Variants in SLC34A2 observed in about 807,000 individuals in gnomAD.
SLC34A2 encodes the protein sodium-dependent phosphate transport protein 2B.
In SLC34A2, 41 loss-of-function variants were observed where a neutral mutation model predicts 50.8. The observed-to-expected ratio is 0.81, with a 90% CI of 0.63 to 1.05. SLC34A2 has a LOEUF of 1.05. Among genes scored for constraint, SLC34A2 ranks in the 50% least tolerant of loss-of-function variants. SLC34A2 has a pLI of 0.00. For missense variants in SLC34A2, 879 were observed against 876.7 expected (o/e 1.00, Z -0.03); for synonymous variants, 401 against 364.2 (o/e 1.10, Z -1.15).
chr4:25,669,859 A>G lies in SLC34A2; in HGVS notation c.831+17A>G, dbSNP rs1577499068. 1.9e-6 allele frequency: 3 copies of G among 1,604,328 alleles called. No individual in the cohort carries two copies. On this transcript the variant is annotated intron_variant, in intron 7 of 12. Coordinates refer to ENST00000382051, the MANE Select transcript of SLC34A2 (RefSeq NM_006424.3). Reference sequence around the variant, plus strand: ...ATTGTCCAGGTAACTTAGCTCCTTCAGAGAGAGAAGGAGACTAACTTCCTA... The same window carrying G: ...ATTGTCCAGGTAACTTAGCTCCTTCGGAGAGAGAAGGAGACTAACTTCCTA...
rs1577507644 is a variant in SLC34A2 at position 25,677,816 on chromosome 4, C to G, written c.*1067C>G. The G allele has an allele frequency of 3.9e-5, 6 of 152,376 alleles. 1 individual carries two copies. The highest frequency in any genetic ancestry group is 3.9e-4 in the Admixed American group (6 of 15,304). The allele number at this position is 152,376 out of a possible 1,614,324, so 9.4% of individuals were successfully genotyped here. A position where few individuals can be genotyped will look rare whatever the true frequency, so the allele number is the denominator to read the frequency against. On this transcript the variant is annotated 3_prime_UTR_variant, in exon 13 of 13. Coordinates refer to ENST00000382051, the MANE Select transcript of SLC34A2 (RefSeq NM_006424.3). ...GGTTAACTTCCTTCTTTCCATCCAC[C>G]CACCCACTGGAATCTCTTTCCAAAC...
At chr4:25,664,894 G>A (rs1406994257) in intron 4 of SLC34A2, 2 of 232,606 alleles carry the variant, frequency 8.6e-6, no homozygotes, top group Non-Finnish European at 1.7e-5. Flanking sequence ...GCAGCACTCC[G>A]TCTACTGGGT....
At position 25,675,407 on chromosome 4, in the gene SLC34A2, C is replaced by G. The variant is rs55778398; in HGVS notation, c.1459-728C>G. ...GTGATCTAACCTGAGCGTCAATTCCCTCATCTGAAAGATGGAGGACATAAC... is the reference window on the plus strand; with the variant it reads ...GTGATCTAACCTGAGCGTCAATTCCGTCATCTGAAAGATGGAGGACATAAC... On this transcript the variant is annotated intron_variant, in intron 12 of 12. Transcript: ENST00000382051. Among the ~76,000 whole-genome samples, 788 of 152,306 alleles carry G rather than the reference C, an allele frequency of 5.2e-3. 6 individuals carry two copies. Among genetic ancestry groups the G allele is most frequent in the African/African-American group, 0.018 (749 of 41,568 alleles).
chr4:25,661,741 T>TGGA (rs551892425), intron 1 of SLC34A2, among the ~76,000 whole-genome samples: 244 of 152,290 alleles, frequency 1.6e-3, no homozygotes, highest in African/African-American at 5.6e-3. Context: ...TAAATTCCAC[T>TGGA]GGATAAGGTT....
Position 25,662,562 on chromosome 4 carries a change from C to A in SLC34A2, c.62C>A (p.Ala21Asp), listed in dbSNP as rs747909819. Reference sequence around the variant, plus strand: ...AACCCCGATAAGTACCTCGAAGGGGCCGCAGGTCAGCAGCCCACTGCCCCT... The same window carrying A: ...AACCCCGATAAGTACCTCGAAGGGGACGCAGGTCAGCAGCCCACTGCCCCT... ...QPNPDKYLEGAAGQQPTAPDK... is the reference protein window; with the variant it reads ...QPNPDKYLEGDAGQQPTAPDK... The change falls in exon 2 of 13, where the codon GCC becomes GAC. Residue 21 changes from alanine (A) to aspartate (D), a missense_variant. Physicochemically the swap from Ala to Asp is moderately radical, Grantham distance 126. Transcript: ENST00000382051. The A allele has an allele frequency of 6.2e-7, 1 of 1,614,134 alleles. No homozygotes were observed. The highest frequency in any genetic ancestry group is 1.7e-5 in the Admixed American group (1 of 60,008).
rs1715181530 is a variant in SLC34A2 at position 25,677,095 on chromosome 4, A to G, written c.*346A>G. ...AGACTCAAAAACCATCTTCAGAAAGAAAAGGCCCAGGGAAGGAATGTATGA... is the reference window on the plus strand; with the variant it reads ...AGACTCAAAAACCATCTTCAGAAAGGAAAGGCCCAGGGAAGGAATGTATGA... On this transcript the variant is annotated 3_prime_UTR_variant, in exon 13 of 13. Transcript: ENST00000382051. The G allele has an allele frequency of 3.3e-6, 1 of 307,278 alleles. No individual in the cohort carries two copies. Among genetic ancestry groups the G allele is most frequent in the Non-Finnish European group, 6.2e-6 (1 of 161,530 alleles). The allele number at this position is 307,278 out of a possible 1,614,324, so 19.0% of individuals were successfully genotyped here.
intron 7 of SLC34A2, among the ~76,000 whole-genome samples, chr4:25,670,297 C>A (rs555498139): frequency 6.6e-6 from 1 of 152,206 alleles, no homozygotes; most frequent in Admixed American, 6.5e-5. Flanking sequence ...AACTTTTGGG[C>A]CACCTGATAG....
intron 1 of SLC34A2, among the ~76,000 whole-genome samples, chr4:25,657,057 C>G (rs1408436643): frequency 6.6e-6 from 1 of 152,134 alleles, no homozygotes; most frequent in Non-Finnish European, 1.5e-5. Flanking sequence ...ATCTTCTCTG[C>G]TTTTGTAATT....
At chr4:25,659,459 G>A (rs1473021810) in intron 1 of SLC34A2, among the ~76,000 whole-genome samples, 1 of 152,008 alleles carries the variant, frequency 6.6e-6, no homozygotes, top group Non-Finnish European at 1.5e-5. Context: ...TGGAAATGAG[G>A]CCATTTACTG....
intron 3 of SLC34A2, 33 bp from the exon 4 acceptor site, chr4:25,664,169 T>TTC: frequency 6.2e-7 from 1 of 1,609,738 alleles, no homozygotes; most frequent in South Asian, 1.1e-5. Context: ...TTTCATGCCT[T>TTC]TCTCTCTCTC....
rs532138687 is a variant in SLC34A2, at chr4:25,673,794, C to G, written c.1217-502C>G. Among the ~76,000 whole-genome samples, 17 of 152,308 alleles carry G rather than the reference C, an allele frequency of 1.1e-4. No individual in the cohort carries two copies. The South Asian group carries it at 3.5e-3, about 32-fold the overall frequency. ...AATATAGCCAAGAAAATTCGCCCCC[C>G]ACCCCAGATTGTCTTGGGGAACAGA... On this transcript the variant is annotated intron_variant, in intron 10 of 12. Transcript: ENST00000382051.
intron 9 of SLC34A2, among the ~76,000 whole-genome samples, chr4:25,672,572 T>C (rs3796777): frequency 0.2 from 30,958 of 152,084 alleles, 3,784 homozygotes; most frequent in African/African-American, 0.33. Context: ...GAGCACTATA[T>C]CTTAATACTC....
chr4:25,669,872 G>T (rs1384343557), intron 7 of SLC34A2, 30 bp downstream of exon 7: 5 of 1,581,918 alleles, frequency 3.2e-6, no homozygotes, highest in South Asian at 1.1e-5. Flanking sequence ...GAGAGAAGGA[G>T]ACTAACTTCC....
intron 6 of SLC34A2, among the ~76,000 whole-genome samples, chr4:25,668,726 C>T (rs776475001): frequency 6.6e-6 from 1 of 151,912 alleles, no homozygotes; most frequent in Non-Finnish European, 1.5e-5. Flanking sequence ...TCAGCTCAAC[C>T]CATGCCACCT....
At chr4:25,674,177 A>C in intron 10 of SLC34A2, 119 bp from the exon 11 acceptor site, 1 of 746,358 alleles carries the variant, frequency 1.3e-6, no homozygotes, top group Non-Finnish European at 2.4e-6. Flanking sequence ...TCTACTCTGT[A>C]ATCTGAGACC....
intron 8 of SLC34A2, 48 bp from the exon 9 acceptor site, chr4:25,671,553 C>T (rs940366404): frequency 3.7e-6 from 6 of 1,605,862 alleles, no homozygotes; most frequent in Non-Finnish European, 5.1e-6. Flanking sequence ...GCCTCCCATT[C>T]CCCACTAAAA....
chr4:25,656,757 T>A (rs1485894764), intron 1 of SLC34A2, among the ~76,000 whole-genome samples: 1 of 152,102 alleles, frequency 6.6e-6, no homozygotes, highest in Non-Finnish European at 1.5e-5. Context: ...TTTGAGGAGG[T>A]CCCTTTTTCA....
In SLC34A2 at chr4:25,669,746, C is replaced by T. The variant is rs199797635; in HGVS notation, c.735C>T (p.Thr245=). The part of the protein sequence containing the change: ...EVATHYLEII[T]QLIVESFHFK... ...CCACCCATTACCTCGAGATCATAAC[C>T]CAGCTTATAGTGGAGAGCTTCCACT... The change falls in exon 7 of 13, where the codon ACC becomes ACT. Residue 245 remains threonine (T), a synonymous_variant. Coordinates refer to ENST00000382051, the MANE Select transcript of SLC34A2 (RefSeq NM_006424.3). 5.6e-6 allele frequency: 9 copies of T among 1,614,166 alleles called. No individual in the cohort carries two copies. The Middle Eastern group carries it at 6.6e-4, about 118-fold the overall frequency.
intron 5 of SLC34A2, 42 bp from the exon 6 acceptor site, chr4:25,667,838 C>T: frequency 1.5e-6 from 2 of 1,350,170 alleles, no homozygotes; most frequent in South Asian, 2.4e-5. Flanking sequence ...TGCCTCCAGG[C>T]TGCCTTTCTA....
Sources: allele counts gnomAD v4.1 joint callset (sites outside exome capture counted in the v4.1 genomes callset), GRCh38; gene constraint gnomAD v4.1.1; transcripts MANE v1.5; gene names NCBI Gene and HGNC (gene_info 2026-07-23, HGNC 2026-07-21).